FHL2: variants seen among roughly 807,000 people sequenced by gnomAD.
The protein encoded by FHL2 is four and a half LIM domains 2, also known as four and a half LIM domains protein 2.
A neutral mutation model predicts 32.7 loss-of-function variants in FHL2; 20 were observed. The ratio of observed to expected loss-of-function variants is 0.61; its 90% CI spans 0.43 to 0.89. FHL2 has a LOEUF of 0.89. Among genes scored for constraint, FHL2 ranks in the 40% least tolerant of loss-of-function variants. FHL2 has a pLI of 0.00. For synonymous variants in FHL2, 123 were observed against 128.1 expected (o/e 0.96, Z 0.27); for missense variants, 311 against 358.6 (o/e 0.87, Z 1.07).
intron 2 of FHL2, among the ~76,000 whole-genome samples, chr2:105,395,985 A>T (rs1198238721): frequency 6.6e-6 from 1 of 152,174 alleles, no homozygotes; most frequent in Non-Finnish European, 1.5e-5. Context: ...TGACATCCCC[A>T]TGCAGAGAGC....
At chr2:105,395,852 T>C (rs1336602459) in intron 2 of FHL2, among the ~76,000 whole-genome samples, 2 of 152,144 alleles carry the variant, frequency 1.3e-5, no homozygotes, top group Non-Finnish European at 2.9e-5. Flanking sequence ...AGAATCAGGC[T>C]AGTAAAGGCG....
chr2:105,408,983 C>A (rs1683714822), intron 1 of FHL2, among the ~76,000 whole-genome samples: 1 of 152,064 alleles, frequency 6.6e-6, no homozygotes, highest in Admixed American at 6.6e-5. Flanking sequence ...AAGGCAGCAC[C>A]AGGTCATGGT....
At chr2:105,435,200 T>G (rs1022896424) in intron 1 of FHL2, among the ~76,000 whole-genome samples, 1 of 152,250 alleles carries the variant, frequency 6.6e-6, no homozygotes, top group Admixed American at 6.5e-5. Flanking sequence ...ATATATTCCA[T>G]ACTATGGCTA....
At chr2:105,426,968 A>G (rs1022863715) in intron 1 of FHL2, among the ~76,000 whole-genome samples, 1 of 152,196 alleles carries the variant, frequency 6.6e-6, no homozygotes, top group African/African-American at 2.4e-5. Context: ...AACTGATCAA[A>G]TAGGAAGGCA....
intron 3 of FHL2, among the ~76,000 whole-genome samples, chr2:105,379,173 C>T (rs552722917): frequency 6.6e-6 from 1 of 152,180 alleles, no homozygotes; most frequent in Non-Finnish European, 1.5e-5. Flanking sequence ...GTAATTGAAC[C>T]TCTCTTGCCA....
At chr2:105,393,002 T>TA (rs1174949282) in intron 2 of FHL2, among the ~76,000 whole-genome samples, 2 of 148,666 alleles carry the variant, frequency 1.3e-5, no homozygotes, top group South Asian at 2.1e-4. Flanking sequence ...TTTTTTTTTT[T>TA]AACCAGAAAG....
intron 4 of FHL2, among the ~76,000 whole-genome samples, chr2:105,370,592 G>T (rs749890434): frequency 6.6e-6 from 1 of 152,106 alleles, no homozygotes; most frequent in African/African-American, 2.4e-5. Flanking sequence ...TGTGGAGCTG[G>T]TGGGTGAGTT....
chr2:105,438,488 A>C (rs1573418855), exon 1 of FHL2: 1 of 985,458 alleles, frequency 1.0e-6, no homozygotes, highest in Non-Finnish European at 1.2e-6. Context: ...GATGGCCCCA[A>C]CCTTCTGTGC....
At chr2:105,424,784 C>T (rs1402580677) in intron 1 of FHL2, among the ~76,000 whole-genome samples, 1 of 152,214 alleles carries the variant, frequency 6.6e-6, no homozygotes, top group African/African-American at 2.4e-5. Context: ...GAAAACCAAA[C>T]ACCACATGTT....
At chr2:105,402,130 TACACATATAC>T (rs1211472632), upstream of FHL2, among the ~76,000 whole-genome samples, 12 of 149,618 alleles carry the variant, frequency 8.0e-5, no homozygotes, top group East Asian at 1.9e-4. Context: ...TATATACATA[TACACATATAC>T]ACACATATAC....
At chr2:105,403,510 G>A (rs1157317896), upstream of FHL2, among the ~76,000 whole-genome samples, 3 of 152,202 alleles carry the variant, frequency 2.0e-5, no homozygotes, top group African/African-American at 4.8e-5. Flanking sequence ...AGGAAGGGAG[G>A]AAAGAGAGGA....
At chr2:105,431,167 A>G (rs1684421247) in intron 1 of FHL2, among the ~76,000 whole-genome samples, 1 of 152,236 alleles carries the variant, frequency 6.6e-6, no homozygotes, top group Non-Finnish European at 1.5e-5. Flanking sequence ...CTCAAATTAA[A>G]TACATGAAAA....
chr2:105,365,674 C>CAAAAA (rs771107312), intron 5 of FHL2, among the ~76,000 whole-genome samples: 1 of 71,662 alleles, frequency 1.4e-5, no homozygotes, highest in Non-Finnish European at 2.8e-5. Context: ...GTCTCTACTA[C>CAAAAA]AAAAAAAAAA....
intron 1 of FHL2, chr2:105,397,013 T>TG (rs1553421544): frequency 4.7e-6 from 1 of 213,490 alleles, no homozygotes; most frequent in Non-Finnish European, 9.1e-6. Context: ...CTAGTCTGTT[T>TG]TTTTTTTTTT....
intron 2 of FHL2, among the ~76,000 whole-genome samples, chr2:105,395,428 G>A (rs903568837): frequency 2.0e-5 from 3 of 152,062 alleles, no homozygotes; most frequent in African/African-American, 2.4e-5. Context: ...TCCCAAGTGC[G>A]GCTCACTGTT....
At chr2:105,397,648 G>A (rs893131376) in intron 1 of FHL2, among the ~76,000 whole-genome samples, 2 of 152,164 alleles carry the variant, frequency 1.3e-5, no homozygotes, top group African/African-American at 4.8e-5. Flanking sequence ...GACATGTTAT[G>A]GTGTAAACGC....
chr2:105,388,771 T>C (rs1252123183), intron 2 of FHL2, among the ~76,000 whole-genome samples: 1 of 151,494 alleles, frequency 6.6e-6, no homozygotes, highest in Non-Finnish European at 1.5e-5. Flanking sequence ...GAAGTGGAGG[T>C]TGCAGTGAGC....
chr2:105,366,952 C>T (rs1680678623), intron 5 of FHL2, among the ~76,000 whole-genome samples: 1 of 152,118 alleles, frequency 6.6e-6, no homozygotes, highest in East Asian at 1.9e-4. Context: ...CATCATGTTG[C>T]CCAGGCTGGT....
upstream of FHL2, among the ~76,000 whole-genome samples, chr2:105,401,237 TC>T (rs1208309235): frequency 1.1e-4 from 16 of 152,166 alleles, no homozygotes; most frequent in Admixed American, 9.8e-4. Flanking sequence ...CATATATTTT[TC>T]TTTTCTTAAG....
Sources: gnomAD v4.1 joint callset for allele counts (sites outside exome capture counted in the v4.1 genomes callset) on GRCh38, gnomAD v4.1.1 for gene constraint, MANE v1.5 for transcripts, NCBI Gene and HGNC (gene_info 2026-07-23, HGNC 2026-07-21) for gene names.